Variants in ZFP69B observed in about 807,000 individuals in gnomAD.
ZFP69B encodes the protein ZFP69 zinc finger protein B, also known as zinc finger protein 69 homolog B.
ZFP69B carries 20 observed loss-of-function variants against 19.7 expected under a neutral mutation model. The ratio of observed to expected loss-of-function variants is 1.02; its 90% confidence interval spans 0.71 to 1.48. The LOEUF (loss-of-function observed/expected upper bound fraction) is 1.48, where lower values mean the gene tolerates loss of function less well. Ranked by LOEUF, ZFP69B falls within the 40% of genes most tolerant of loss-of-function variation. The pLI is 0.00. For missense variants in ZFP69B, 583 were observed against 632.6 expected (o/e 0.92, Z 0.84); for synonymous variants, 220 against 222.7 (o/e 0.99, Z 0.11).
intron 4 of ZFP69B, among the ~76,000 whole-genome samples, chr1:40,459,971 G>A (rs1312904068): frequency 5.9e-5 from 9 of 152,090 alleles, no homozygotes; most frequent in Admixed American, 1.3e-4. Flanking sequence ...AAAATGTTAT[G>A]CCAGGTATAC....
rs1184552478 is a variant in ZFP69B at position 40,462,450 on chromosome 1, T to C, written c.466T>C (p.Ser156Pro). ...DLKSKTKTKE[S>P]ALQNDISWEE... Reference sequence around the variant, plus strand: ...GAAGAGCAAAACAAAAACCAAAGAGTCAGCCTTACAGAATGATATTTCGTG... The same window carrying C: ...GAAGAGCAAAACAAAAACCAAAGAGCCAGCCTTACAGAATGATATTTCGTG... Residue 156 changes from serine to proline, a missense_variant, in exon 5 of 5, where the codon TCA (serine) becomes CCA (proline). By Grantham distance (74) the Ser-to-Pro change is moderately conservative (BLOSUM62 -1). Transcript: ENST00000361584. The C allele has an allele frequency of 3.8e-6, 6 of 1,597,296 alleles. No individual in the cohort carries two copies. The African/African-American group carries it at 8.1e-5, about 22-fold the overall frequency.
At chr1:40,450,255 C>T (rs989096936), upstream of ZFP69B, 5 of 152,266 alleles carry the variant, frequency 3.3e-5, no homozygotes, top group African/African-American at 4.8e-5. Context: ...CCCTGTCGCG[C>T]GCGGTGCTCT....
rs1430317164 is a variant in ZFP69B, at chr1:40,463,335, G to A, written c.1351G>A (p.Glu451Lys). Reference sequence around the variant, plus strand: ...TGGAGAAAGACCATATAAATGTAAGGAATGTGGGAAAGCCTTTAGCCAGAG... The same window carrying A: ...TGGAGAAAGACCATATAAATGTAAGAAATGTGGGAAAGCCTTTAGCCAGAG... ...HTGERPYKCK[E>K]CGKAFSQRIH... The change falls in exon 5 of 5, where the codon GAA becomes AAA. Residue 451 changes from glutamate (E) to lysine (K), a missense_variant. Physicochemically the swap from Glu to Lys is moderately conservative, Grantham distance 56. Coordinates refer to ENST00000361584, the MANE Select transcript of ZFP69B (RefSeq NM_023070.3). 6.2e-7 allele frequency: 1 copy of A among 1,614,016 alleles called. No homozygotes were observed. Among genetic ancestry groups the A allele is most frequent in the Non-Finnish European group, 8.5e-7 (1 of 1,180,040 alleles).
At position 40,462,995 on chromosome 1, in the gene ZFP69B, T is replaced by C. The variant is rs1645304970; in HGVS notation, c.1011T>C (p.Cys337=). The change falls in exon 5 of 5, where the codon TGT becomes TGC. Residue 337 remains cysteine (C), a synonymous_variant. Coordinates refer to ENST00000361584, the MANE Select transcript of ZFP69B (RefSeq NM_023070.3). ...RIHTGEKPYE[C]KECGKTFRHP... ...ATACTGGTGAGAAACCCTATGAATG[T>C]AAGGAGTGTGGGAAAACCTTCAGAC... 1 of 1,613,984 alleles carries C rather than the reference T, an allele frequency of 6.2e-7. No individual in the cohort carries two copies. The highest frequency in any genetic ancestry group is 1.7e-5 in the Admixed American group (1 of 59,984).
chr1:40,457,052 T>C lies in ZFP69B; in HGVS notation c.321T>C (p.Tyr107=), dbSNP rs1399367688. ...ACCGGGAGGTGATGCTGGAGAACTA[T>C]GGGAACCTGGTCTCAGTGGGTAAGG... ...NLYREVMLEN[Y]GNLVSVGCQL... is the part of the protein sequence containing the mutation. The change falls in exon 3 of 5, where the codon TAT becomes TAC. Residue 107 remains tyrosine, a synonymous_variant. Coordinates refer to ENST00000361584, the MANE Select transcript of ZFP69B (RefSeq NM_023070.3). 1.9e-6 allele frequency: 3 copies of C among 1,608,266 alleles called. No individual in the cohort carries two copies. The South Asian group carries it at 3.3e-5, about 18-fold the overall frequency.
At chr1:40,453,834 T>G (rs2124414727) in intron 1 of ZFP69B, among the ~76,000 whole-genome samples, 1 of 151,526 alleles carries the variant, frequency 6.6e-6, no homozygotes, top group African/African-American at 2.4e-5. Flanking sequence ...ATTATGCCAC[T>G]GCCCTCCAAC....
At chr1:40,457,312 A>G in intron 3 of ZFP69B, 32 bp from the exon 4 acceptor site, 1 of 1,606,446 alleles carries the variant, frequency 6.2e-7, no homozygotes, top group Non-Finnish European at 8.5e-7. Flanking sequence ...CTGTGACCTC[A>G]GCATATACAG....
In ZFP69B at chr1:40,457,333, C is replaced by A. The variant is rs369086111; in HGVS notation, c.341-11C>A. The A allele has an allele frequency of 6.2e-7, 1 of 1,613,514 alleles. No homozygotes were observed. Among genetic ancestry groups the A allele is most frequent in the Non-Finnish European group, 8.5e-7 (1 of 1,179,542 alleles). On this transcript the variant is annotated splice_polypyrimidine_tract_variant and intron_variant, in intron 3 of 4. Coordinates refer to ENST00000361584, the MANE Select transcript of ZFP69B (RefSeq NM_023070.3). ...CCTCAGCATATACAGTCTTTTCTTC[C>A]CCATAAGCAGGATGTCAGCTTTCCA...
In ZFP69B at chr1:40,463,452, T is replaced by G. The variant is rs1569992106; in HGVS notation, c.1468T>G (p.Phe490Val). The change falls in exon 5 of 5, where the codon TTT becomes GTT. Residue 490 changes from phenylalanine (F) to valine (V), a missense_variant. By Grantham distance (50) the Phe-to-Val change is conservative. Coordinates refer to ENST00000361584, the MANE Select transcript of ZFP69B (RefSeq NM_023070.3). ...CGKAFRHDSS[F>V]AKHQRIHTGE... ...GAAAGCCTTTAGGCATGATTCATCCTTTGCTAAACATCAGAGAATTCATAC... is the reference window on the plus strand; with the variant it reads ...GAAAGCCTTTAGGCATGATTCATCCGTTGCTAAACATCAGAGAATTCATAC... 1 of 1,614,088 alleles carries G rather than the reference T, an allele frequency of 6.2e-7. No homozygotes were observed. The highest frequency in any genetic ancestry group is 8.5e-7 in the Non-Finnish European group (1 of 1,180,002).
intron 4 of ZFP69B, among the ~76,000 whole-genome samples, chr1:40,458,731 G>C (rs529683899): frequency 1.3e-5 from 2 of 152,166 alleles, no homozygotes; most frequent in South Asian, 2.1e-4. Flanking sequence ...TGTTGGCCAG[G>C]CTGGTCTCGA....
rs1219827640 is a variant in ZFP69B, at chr1:40,450,869, T to A, written c.-93T>A. On this transcript the variant is annotated 5_prime_UTR_variant, in exon 1 of 5. Transcript: ENST00000361584. ...AGGAGATCGGTACAATTGGGAAGCC[T>A]CCTGTCAGAGCTTCCAGCAATTTCC... 1 of 1,359,394 alleles carries A rather than the reference T, an allele frequency of 7.4e-7. No homozygotes were observed. The highest frequency in any genetic ancestry group is 1.5e-5 in the African/African-American group (1 of 66,678). 84.2% of individuals were successfully genotyped at this position (1,359,394 alleles called of 1,614,324 possible).
rs1484459974 is a variant in ZFP69B, at chr1:40,451,062, A to G, written c.101A>G (p.Asp34Gly). 1 of 1,547,706 alleles carries G rather than the reference A, an allele frequency of 6.5e-7. No individual in the cohort carries two copies. The highest frequency in any genetic ancestry group is 8.7e-7 in the Non-Finnish European group (1 of 1,145,460). Residue 34 changes from aspartate (D) to glycine (G), a missense_variant, in exon 1 of 5, where the codon GAT (aspartate) becomes GGT (glycine). Coordinates refer to ENST00000361584, the MANE Select transcript of ZFP69B (RefSeq NM_023070.3). ...ACGGAGCGGGTGGCCCTGTGGGAGG[A>G]TGTGACTAAGATGTTTAAAGCAGAA... ...AATERVALWEDVTKMFKAEAL... is the reference protein window; with the variant it reads ...AATERVALWEGVTKMFKAEAL...
At chr1:40,456,434 T>C (rs1204792726) in intron 2 of ZFP69B, among the ~76,000 whole-genome samples, 1 of 152,236 alleles carries the variant, frequency 6.6e-6, no homozygotes, top group Non-Finnish European at 1.5e-5. Flanking sequence ...TACCCCAGAA[T>C]GTCTATCTCT....
At position 40,463,295 on chromosome 1, in the gene ZFP69B, C is replaced by T. The variant is rs756803597; in HGVS notation, c.1311C>T (p.His437=). 6 of 1,614,058 alleles carry T rather than the reference C, an allele frequency of 3.7e-6. No individual in the cohort carries two copies. Among genetic ancestry groups the T allele is most frequent in the Non-Finnish European group, 5.1e-6 (6 of 1,179,992 alleles). Residue 437 remains histidine, a synonymous_variant, in exon 5 of 5, where the codon CAC becomes CAT. Transcript: ENST00000361584. ...TFSHSTYLTQ[H]QRTHTGERPY... The stretch of plus-strand genomic sequence containing the variant: ...GCCATAGTACATACCTAACTCAACA[C>T]CAGAGAACTCATACTGGAGAAAGAC...
intron 2 of ZFP69B, among the ~76,000 whole-genome samples, chr1:40,454,696 C>T (rs373202045): frequency 9.2e-5 from 14 of 152,186 alleles, no homozygotes; most frequent in East Asian, 5.8e-4. Context: ...CACGCCCAGC[C>T]GATTGGCTTT....
chr1:40,454,683 C>T (rs1645217063), intron 2 of ZFP69B, among the ~76,000 whole-genome samples: 1 of 152,216 alleles, frequency 6.6e-6, no homozygotes, highest in African/African-American at 2.4e-5. Context: ...AGGCATGAGC[C>T]ACCACGCCCA....
At chr1:40,460,087 T>G (rs1040189152) in intron 4 of ZFP69B, among the ~76,000 whole-genome samples, 2 of 152,298 alleles carry the variant, frequency 1.3e-5, no homozygotes, top group Admixed American at 1.3e-4. Context: ...GCAAAAATTA[T>G]GAAGATTGAT....
At chr1:40,459,646 T>G (rs1197238848) in intron 4 of ZFP69B, among the ~76,000 whole-genome samples, 1 of 152,212 alleles carries the variant, frequency 6.6e-6, no homozygotes, top group Non-Finnish European at 1.5e-5. Flanking sequence ...CTTATTTTCT[T>G]TTTCTGAATC....
rs573955260 is a variant in ZFP69B, at chr1:40,463,602, A to G, written c.*13A>G. On this transcript the variant is annotated 3_prime_UTR_variant, in exon 5 of 5. Transcript: ENST00000361584. Reference sequence around the variant, plus strand: ...CAATGTTGTGTGAAATATACTAAACATCAAAGAATCTATGTTGGAGCACAA... The same window carrying G: ...CAATGTTGTGTGAAATATACTAAACGTCAAAGAATCTATGTTGGAGCACAA... 7 of 1,562,286 alleles carry G rather than the reference A, an allele frequency of 4.5e-6. No homozygotes were observed. The South Asian group carries it at 4.9e-5, about 11-fold the overall frequency.
Sources: allele counts gnomAD v4.1 joint callset (sites outside exome capture counted in the v4.1 genomes callset), GRCh38; gene constraint gnomAD v4.1.1; transcripts MANE v1.5; gene names NCBI Gene and HGNC (gene_info 2026-07-23, HGNC 2026-07-21).